The following SAMTOR variants were observed in gnomAD, a reference collection of about 807,000 sequenced individuals.
The protein encoded by SAMTOR is S-adenosylmethionine sensor upstream of mTORC1, also known as UPF0532 protein C7orf60.
the SAMTOR span, among the ~76,000 whole-genome samples, chr7:112,864,739 A>G: frequency 1.3e-5 from 2 of 152,138 alleles, no homozygotes; most frequent in African/African-American, 2.4e-5. Context: ...CAGATGGCTA[A>G]AGTTCTTCAA....
chr7:112,884,724 T>A, the SAMTOR span, among the ~76,000 whole-genome samples: 2 of 152,176 alleles, frequency 1.3e-5, no homozygotes, highest in Non-Finnish European at 2.9e-5. Context: ...GTGTTGAGTG[T>A]CTGTGGCTTT....
At chr7:112,903,135 A>G in the SAMTOR span, among the ~76,000 whole-genome samples, 1 of 152,098 alleles carries the variant, frequency 6.6e-6, no homozygotes, top group South Asian at 2.1e-4. Context: ...CCAACATAGT[A>G]AAACCCCGCC....
the SAMTOR span, among the ~76,000 whole-genome samples, chr7:112,828,189 G>C: frequency 6.6e-6 from 1 of 152,156 alleles, no homozygotes; most frequent in Non-Finnish European, 1.5e-5. Context: ...TTAAGTTGTT[G>C]TATTAGTTTG....
chr7:112,906,278 G>A, the SAMTOR span, among the ~76,000 whole-genome samples: 1 of 152,272 alleles, frequency 6.6e-6, no homozygotes, highest in Non-Finnish European at 1.5e-5. Flanking sequence ...TTAAGTATTT[G>A]TGTATCTAAA....
At chr7:112,869,822 A>T in the SAMTOR span, among the ~76,000 whole-genome samples, 1 of 152,212 alleles carries the variant, frequency 6.6e-6, no homozygotes, top group Non-Finnish European at 1.5e-5. Context: ...AAAACAGAAA[A>T]ATGATCCAGG....
the SAMTOR span, chr7:112,915,454 A>G: frequency 1.9e-6 from 3 of 1,578,774 alleles, no homozygotes. Flanking sequence ...CCCACTAAAA[A>G]CAAAGTGATA....
At chr7:112,915,471 T>A in the SAMTOR span, 1 of 1,557,226 alleles carries the variant, frequency 6.4e-7, no homozygotes, top group Non-Finnish European at 8.7e-7. Context: ...GATAAATGAA[T>A]TAAGTTTACA....
chr7:112,883,644 C>A, the SAMTOR span, among the ~76,000 whole-genome samples: 19 of 152,184 alleles, frequency 1.2e-4, no homozygotes, highest in African/African-American at 4.3e-4. Flanking sequence ...ATAAAGCATT[C>A]TTAGGCCAAG....
the SAMTOR span, among the ~76,000 whole-genome samples, chr7:112,875,847 T>G: frequency 6.6e-6 from 1 of 152,224 alleles, no homozygotes; most frequent in South Asian, 2.1e-4. Flanking sequence ...GTAAGCCTTC[T>G]CTAAAGTTCC....
chr7:112,876,944 C>A, the SAMTOR span, among the ~76,000 whole-genome samples: 1 of 152,280 alleles, frequency 6.6e-6, no homozygotes, highest in East Asian at 1.9e-4. Context: ...GAGATAAATT[C>A]ATCAAATCTT....
chr7:112,822,521 T>C, the SAMTOR span: 7 of 679,206 alleles, frequency 1.0e-5, no homozygotes, highest in Non-Finnish European at 1.2e-5. Flanking sequence ...CTTGAACAGA[T>C]GTATTCAACC....
At chr7:112,915,594 TTAAA>T in the SAMTOR span, 26 of 492,486 alleles carry the variant, frequency 5.3e-5, no homozygotes, top group Admixed American at 1.3e-4. Flanking sequence ...TTTAAAATGT[TTAAA>T]TAAATGTTTA....
At chr7:112,848,521 C>A in the SAMTOR span, among the ~76,000 whole-genome samples, 1 of 152,058 alleles carries the variant, frequency 6.6e-6, no homozygotes, top group South Asian at 2.1e-4. Flanking sequence ...CAAAATCTTA[C>A]GGGAGTAGAA....
the SAMTOR span, among the ~76,000 whole-genome samples, chr7:112,921,295 T>C: frequency 6.6e-6 from 1 of 152,060 alleles, no homozygotes; most frequent in Non-Finnish European, 1.5e-5. Flanking sequence ...TAACGCCGCA[T>C]ATCTACAACT....
At chr7:112,825,943 C>T in the SAMTOR span, among the ~76,000 whole-genome samples, 2 of 151,038 alleles carry the variant, frequency 1.3e-5, no homozygotes, top group Non-Finnish European at 2.9e-5. Context: ...CTGAAATGAT[C>T]AAATGACTTT....
chr7:112,917,446 G>C, the SAMTOR span, among the ~76,000 whole-genome samples: 1 of 152,130 alleles, frequency 6.6e-6, no homozygotes, highest in Non-Finnish European at 1.5e-5. Flanking sequence ...AAACCCATCT[G>C]TACATCACCA....
At chr7:112,928,716 A>C in the SAMTOR span, among the ~76,000 whole-genome samples, 4 of 152,146 alleles carry the variant, frequency 2.6e-5, no homozygotes, top group Non-Finnish European at 5.9e-5. Context: ...ATTTTTCACA[A>C]TAGTTACTGT....
chr7:112,859,226 A>G, the SAMTOR span, among the ~76,000 whole-genome samples: 21 of 152,286 alleles, frequency 1.4e-4, no homozygotes, highest in Middle Eastern at 0.01. Flanking sequence ...ATAAGTTTCT[A>G]TCTCTATATA....
the SAMTOR span, among the ~76,000 whole-genome samples, chr7:112,899,462 AAG>A: frequency 1.3e-5 from 2 of 152,128 alleles, no homozygotes; most frequent in Admixed American, 1.3e-4. Flanking sequence ...GGGCAAATCT[AAG>A]AGTTATTGGC....
Sources: allele counts gnomAD v4.1 joint callset (sites outside exome capture counted in the v4.1 genomes callset), GRCh38; gene constraint gnomAD v4.1.1; transcripts MANE v1.5; gene names NCBI Gene and HGNC (gene_info 2026-07-23, HGNC 2026-07-21).